The following BDP1 variants were observed in gnomAD, a reference collection of about 807,000 sequenced individuals.
The protein encoded by BDP1 is BDP1 general transcription factor IIIB subunit.
In BDP1, 169 loss-of-function variants were observed where a neutral mutation model predicts 266.6. The observed-to-expected ratio is 0.63, with a 90% confidence interval of 0.56 to 0.72. The LOEUF is 0.72. BDP1 is among the 30% of genes least tolerant of loss of function. The probability of loss-of-function intolerance (pLI) is 0.00; values close to 1 mark genes in which losing one functional copy is unlikely to be tolerated. For synonymous variants in BDP1, 1,090 were observed against 1,022.4 expected, an observed-to-expected ratio of 1.07 and a Z score of -1.26; for missense variants, 3,015 against 3,053.8, an observed-to-expected ratio of 0.99 and a Z score of 0.30.
In BDP1 at chr5:71,489,644, C is replaced by T. The variant is rs372531329; in HGVS notation, c.1454C>T (p.Thr485Ile). Reference sequence around the variant, plus strand: ...GTAAACAATCTTTTAGAAAATGCCACTGTTCAGGCGGGTCCTTCTAAAGGA... The same window carrying T: ...GTAAACAATCTTTTAGAAAATGCCATTGTTCAGGCGGGTCCTTCTAAAGGA... ...LGVNNLLENA[T>I]VQAGPSKGEK... is the part of the protein sequence containing the mutation. The change falls in exon 10 of 39, where the codon ACT becomes ATT. Residue 485 changes from threonine (T) to isoleucine (I), a missense_variant. Physicochemically the swap from Thr to Ile is moderately conservative, Grantham distance 89. Transcript: ENST00000358731. The T allele has an allele frequency of 1.9e-6, 3 of 1,613,936 alleles. No individual in the cohort carries two copies. Among genetic ancestry groups the T allele is most frequent in the South Asian group, 2.2e-5 (2 of 91,070 alleles).
At chr5:71,545,298 A>T in intron 32 of BDP1, 79 bp downstream of exon 32, 1 of 1,244,726 alleles carries the variant, frequency 8.0e-7, no homozygotes, top group Non-Finnish European at 1.1e-6. Context: ...ATTTACATAC[A>T]ATAAACTTCA....
At chr5:71,532,267 A>G in intron 25 of BDP1, 41 bp from the exon 26 acceptor site, 1 of 1,598,050 alleles carries the variant, frequency 6.3e-7, no homozygotes, top group South Asian at 1.1e-5. Flanking sequence ...TTTGCTGTTT[A>G]TAATATGCCA....
intron 20 of BDP1, among the ~76,000 whole-genome samples, chr5:71,515,838 A>C (rs1765186002): frequency 6.6e-6 from 1 of 152,166 alleles, no homozygotes. Flanking sequence ...CTGTATATTT[A>C]GCTACTTTAG....
chr5:71,485,561 C>T (rs1457724005), intron 8 of BDP1, among the ~76,000 whole-genome samples: 1 of 152,080 alleles, frequency 6.6e-6, no homozygotes, highest in Non-Finnish European at 1.5e-5. Flanking sequence ...ACCTTCTTTT[C>T]TGAGGCTATC....
At chr5:71,551,502 T>C (rs902666928) in intron 34 of BDP1, among the ~76,000 whole-genome samples, 2 of 152,176 alleles carry the variant, frequency 1.3e-5, no homozygotes, top group African/African-American at 4.8e-5. Context: ...AAGTCTCCCA[T>C]GTCTACTTCT....
At chr5:71,460,537 A>G (rs1182519836) in intron 2 of BDP1, among the ~76,000 whole-genome samples, 1 of 152,324 alleles carries the variant, frequency 6.6e-6, no homozygotes, top group Admixed American at 6.5e-5. Flanking sequence ...TTATGTAATT[A>G]TATCAACTAT....
At chr5:71,577,880 C>G in the BDP1 span, among the ~76,000 whole-genome samples, 1 of 152,172 alleles carries the variant, frequency 6.6e-6, no homozygotes, top group African/African-American at 2.4e-5. Context: ...CCAGCCTGGC[C>G]TTACATTCTT....
At position 71,523,920 on chromosome 5, in the gene BDP1, G is replaced by T; in HGVS notation, c.5388-19G>T. 1.3e-6 allele frequency: 2 copies of T among 1,588,464 alleles called. No homozygotes were observed. Among genetic ancestry groups the T allele is most frequent in the Non-Finnish European group, 1.7e-6 (2 of 1,167,584 alleles). ...CTTGCATGCATATGACCTTATTGTT[G>T]TTTTGATTAAATATCTAGCTGTCCA... On this transcript the variant is annotated intron_variant, in intron 24 of 38. Transcript: ENST00000358731.
rs1034837755 is a variant in BDP1 at position 71,564,215 on chromosome 5, C to T, written c.7744-539C>T. ...CTGTTTCATTGATATATCTGTCATT[C>T]GTGTGCCAATACCATGCTGTCTTAA... On this transcript the variant is annotated intron_variant, in intron 38 of 38. Transcript: ENST00000358731. 5.3e-5 allele frequency among the ~76,000 whole-genome samples: 8 copies of T among 152,024 alleles called. No individual in the cohort carries two copies. The East Asian group carries it at 5.8e-4, about 11-fold the overall frequency.
intron 28 of BDP1, among the ~76,000 whole-genome samples, chr5:71,540,101 A>C (rs1766872250): frequency 6.6e-6 from 1 of 152,158 alleles, no homozygotes; most frequent in Non-Finnish European, 1.5e-5. Context: ...AATTTAGTTT[A>C]AACTGTTCTC....
rs1761163579 is a variant in BDP1 at position 71,456,088 on chromosome 5, A to T, written c.211A>T (p.Ser71Cys). 1.2e-6 allele frequency: 2 copies of T among 1,611,626 alleles called. No homozygotes were observed. The highest frequency in any genetic ancestry group is 1.3e-5 in the African/African-American group (1 of 74,976). Residue 71 changes from serine (S) to cysteine (C), a missense_variant and splice_region_variant, in exon 1 of 39, where the codon AGT (serine) becomes TGT (cysteine). By Grantham distance (112) the Ser-to-Cys change is moderately radical. Around this residue, in one of 3 missense-constraint regions of BDP1, gnomAD observed 2,383 missense variants for 2,404.9 expected, o/e 0.99. Transcript: ENST00000358731. Reference sequence around the variant, plus strand: ...GCCCCAAGAAAAGGCTCCTAGGAGCAGGTAAGAGGTTGCAGAGGGAAGAAT... The same window carrying T: ...GCCCCAAGAAAAGGCTCCTAGGAGCTGGTAAGAGGTTGCAGAGGGAAGAAT... ...AEPQEKAPRS[S>C]TEKTGGDNDV...
chr5:71,456,230 C>T, intron 1 of BDP1, 141 bp downstream of exon 1: 2 of 773,798 alleles, frequency 2.6e-6, no homozygotes, highest in Non-Finnish European at 4.1e-6. Context: ...TGAAACCACT[C>T]CAAACTGCAG....
chr5:71,569,373 G>A (rs1442524698), downstream of BDP1, among the ~76,000 whole-genome samples: 1 of 152,124 alleles, frequency 6.6e-6, no homozygotes, highest in African/African-American at 2.4e-5. Context: ...GATTGCTTGA[G>A]CCCAGGAGTT....
At chr5:71,539,244 TAGA>T (rs1367074156) in intron 27 of BDP1, among the ~76,000 whole-genome samples, 166 bp downstream of exon 27, 1 of 152,232 alleles carries the variant, frequency 6.6e-6, no homozygotes, top group Non-Finnish European at 1.5e-5. Context: ...AATGTTATTT[TAGA>T]AGGTGAATTA....
intron 38 of BDP1, 116 bp downstream of exon 38, chr5:71,562,636 C>A: frequency 6.8e-7 from 1 of 1,476,404 alleles, no homozygotes; most frequent in South Asian, 1.2e-5. Flanking sequence ...TATTTTAGAG[C>A]AACTCCCATC....
rs773792168 is a variant in BDP1 at position 71,513,456 on chromosome 5, TTAA to T, written c.4470+50_4470+52del. ...TCTGTGTGGGTGTTTTTTTTTTTTT[TTAA>T]GTTATTAGGACTACTAAAAGCACCT... On this transcript the variant is annotated intron_variant, in intron 19 of 38. Transcript: ENST00000358731. 62 of 1,102,962 alleles carry T rather than the reference TTAA, an allele frequency of 5.6e-5. No individual in the cohort carries two copies. In the African/African-American group the frequency reaches 9.7e-4, roughly 17 times the overall value. 68.3% of individuals were successfully genotyped at this position (1,102,962 alleles called of 1,614,324 possible).
intron 7 of BDP1, among the ~76,000 whole-genome samples, chr5:71,480,897 C>T (rs1762914806): frequency 6.6e-6 from 1 of 152,208 alleles, no homozygotes; most frequent in African/African-American, 2.4e-5. Flanking sequence ...GCATACTAGG[C>T]CAGGCGTAGT....
At chr5:71,553,342 A>G (rs1346363404) in intron 35 of BDP1, 22 bp downstream of exon 35, 2 of 1,555,476 alleles carry the variant, frequency 1.3e-6, no homozygotes, top group Admixed American at 3.4e-5. Flanking sequence ...ATTAAGTACC[A>G]CTCAATATGG....
In BDP1 at chr5:71,455,728, CG is replaced by C. The variant is rs1347434708; in HGVS notation, c.-146del. On this transcript the variant is annotated 5_prime_UTR_variant, in exon 1 of 39. It introduces an in-frame stop codon into an upstream open reading frame of the 5' UTR. Coordinates refer to ENST00000358731, the MANE Select transcript of BDP1 (RefSeq NM_018429.3). ...GGCGGGAGAGAGGAGGAGGCGGCGG[CG>C]GGGCAGTGAAACTACGGTAGCTGCC... is the stretch of plus-strand genomic sequence containing the variant. The C allele has an allele frequency of 4.6e-6, 3 of 659,330 alleles. No individual in the cohort carries two copies. Among genetic ancestry groups the C allele is most frequent in the Non-Finnish European group, 7.7e-6 (3 of 388,690 alleles). The allele number at this position is 659,330 out of a possible 1,614,324, so 40.8% of individuals were successfully genotyped here.
Sources: gnomAD v4.1 joint callset for allele counts (sites outside exome capture counted in the v4.1 genomes callset) on GRCh38, gnomAD v4.1.1 for gene constraint, gnomAD v4.1.1 regional missense constraint, MANE v1.5 for transcripts, NCBI Gene and HGNC (gene_info 2026-07-23, HGNC 2026-07-21) for gene names.